Variants in DLG2 observed in about 807,000 individuals in gnomAD.
DLG2 encodes disks large homolog 2.
DLG2 carries 45 observed loss-of-function variants against 132.5 expected under a neutral mutation model. That is an observed-to-expected ratio of 0.34 (90% CI 0.27 to 0.44). DLG2 has a LOEUF of 0.44. DLG2 is among the 20% of genes least tolerant of loss of function. DLG2 has a pLI of 1.00. For missense variants in DLG2, 1,045 were observed against 1,196.9 expected (o/e 0.87, Z 1.87); for synonymous variants, 424 against 419.6 (o/e 1.01, Z -0.13).
chr11:84,886,522 C>T (rs2088344940), intron 6 of DLG2, among the ~76,000 whole-genome samples: 1 of 152,102 alleles, frequency 6.6e-6, no homozygotes, highest in South Asian at 2.1e-4. Context: ...TCTCTTGGCA[C>T]CACTGTCAGG....
chr11:85,318,420 T>A (rs534400244), intron 3 of DLG2, among the ~76,000 whole-genome samples: 10 of 151,828 alleles, frequency 6.6e-5, no homozygotes, highest in African/African-American at 2.2e-4. Context: ...ATATAAATAG[T>A]TGACAACATT....
At chr11:85,514,454 T>C (rs576138645) in intron 3 of DLG2, among the ~76,000 whole-genome samples, 9 of 152,012 alleles carry the variant, frequency 5.9e-5, no homozygotes, top group African/African-American at 2.2e-4. Flanking sequence ...AATTCAACTT[T>C]CATATTTTGA....
chr11:84,760,852 G>C (rs902630208), intron 6 of DLG2, among the ~76,000 whole-genome samples: 2 of 152,156 alleles, frequency 1.3e-5, no homozygotes, highest in African/African-American at 4.8e-5. Context: ...CAGGAGCAGA[G>C]ACCGGCAGCT....
intron 19 of DLG2, among the ~76,000 whole-genome samples, chr11:83,562,706 A>G (rs577137908): frequency 4.6e-5 from 7 of 152,326 alleles, no homozygotes; most frequent in Admixed American, 3.3e-4. Flanking sequence ...GAAAAAATAC[A>G]TAGCTAAGGA....
At chr11:84,032,761 A>G (rs1446731114) in intron 11 of DLG2, among the ~76,000 whole-genome samples, 1 of 152,194 alleles carries the variant, frequency 6.6e-6, no homozygotes, top group Non-Finnish European at 1.5e-5. Context: ...AAGCCTTCAA[A>G]GAACACGCTG....
At chr11:84,694,091 C>T (rs2058356623) in intron 6 of DLG2, among the ~76,000 whole-genome samples, 6 of 151,570 alleles carry the variant, frequency 4.0e-5, no homozygotes, top group Admixed American at 4.0e-4. Flanking sequence ...ATAATTGTCA[C>T]ATTGCCTATA....
intron 18 of DLG2, among the ~76,000 whole-genome samples, chr11:83,734,100 CT>C (rs1465413001): frequency 6.6e-6 from 1 of 152,070 alleles, no homozygotes; most frequent in Admixed American, 6.6e-5. Context: ...TGATTTCATT[CT>C]TTTTTGGCTA....
chr11:85,187,652 C>T (rs951369442), intron 4 of DLG2, among the ~76,000 whole-genome samples: 1 of 152,104 alleles, frequency 6.6e-6, no homozygotes, highest in Admixed American at 6.6e-5. Flanking sequence ...TTAGTGTCAG[C>T]GTTGACTGGG....
rs2092840769 is a variant in DLG2, at chr11:84,923,175, C to CCA, written c.357+188484_357+188485dup. On this transcript the variant is annotated intron_variant, in intron 6 of 27. Coordinates refer to ENST00000376104, the MANE Select transcript of DLG2 (RefSeq NM_001142699.3). ...TCAGCTTCTCAGCACAGCGCAAGCCCCACACACACGATCCTGGGCATGTGC... is the reference window on the plus strand; with the variant it reads ...TCAGCTTCTCAGCACAGCGCAAGCCCCACACACACACGATCCTGGGCATGTGC... 3.8e-5 allele frequency: 61 copies of CCA among 1,611,814 alleles called. No homozygotes were observed. In the East Asian group the frequency reaches 1.2e-3, roughly 32 times the overall value.
intron 18 of DLG2, among the ~76,000 whole-genome samples, chr11:83,763,818 C>G (rs1208061260): frequency 6.6e-6 from 1 of 152,212 alleles, no homozygotes; most frequent in East Asian, 1.9e-4. Context: ...TCTCTCTAGT[C>G]AGGCACAATG....
intron 9 of DLG2, among the ~76,000 whole-genome samples, chr11:84,129,421 T>C (rs1271581201): frequency 6.6e-6 from 1 of 152,016 alleles, no homozygotes; most frequent in Non-Finnish European, 1.5e-5. Context: ...ATATAAACTG[T>C]CCAAATGTCC....
At chr11:83,936,729 G>A (rs764719446) in intron 14 of DLG2, among the ~76,000 whole-genome samples, 2 of 152,148 alleles carry the variant, frequency 1.3e-5, no homozygotes, top group Non-Finnish European at 2.9e-5. Context: ...AACAAAATTA[G>A]GCTCTCTCAC....
chr11:83,898,487 A>G (rs190687994), intron 15 of DLG2, among the ~76,000 whole-genome samples: 47 of 152,194 alleles, frequency 3.1e-4, no homozygotes, highest in African/African-American at 1.1e-3. Flanking sequence ...GGCTATTGAT[A>G]ATGGAGACTT....
At chr11:83,702,193 T>C (rs1008186866) in intron 18 of DLG2, among the ~76,000 whole-genome samples, 1 of 152,108 alleles carries the variant, frequency 6.6e-6, no homozygotes, top group African/African-American at 2.4e-5. Flanking sequence ...CTTAAACAGG[T>C]AGTTCACTTC....
chr11:85,322,366 T>G (rs563764303), intron 3 of DLG2, among the ~76,000 whole-genome samples: 1 of 152,260 alleles, frequency 6.6e-6, no homozygotes, highest in East Asian at 1.9e-4. Context: ...ATCCTCAATC[T>G]TGGAAATTTT....
At position 85,093,977 on chromosome 11, in the gene DLG2, A is replaced by C. The variant is rs902023267; in HGVS notation, c.357+17684T>G. ...AAGGTATAATAATAGTTCTGCCACC[A>C]TGATGCAACTAATATGATGCAGCTA... On this transcript the variant is annotated intron_variant, in intron 6 of 27. Coordinates refer to ENST00000376104, the MANE Select transcript of DLG2 (RefSeq NM_001142699.3). Among the ~76,000 whole-genome samples, 4 of 152,352 alleles carry C rather than the reference A, an allele frequency of 2.6e-5. No individual in the cohort carries two copies. In the East Asian group the frequency reaches 5.8e-4, roughly 22 times the overall value.
intron 22 of DLG2, among the ~76,000 whole-genome samples, chr11:83,473,772 C>A (rs977010958): frequency 3.9e-5 from 6 of 152,060 alleles, no homozygotes; most frequent in African/African-American, 1.4e-4. Context: ...ACCCCTGAAG[C>A]ACATTCATAG....
At chr11:85,277,497 C>G (rs1170343917) in intron 4 of DLG2, among the ~76,000 whole-genome samples, 17 of 152,016 alleles carry the variant, frequency 1.1e-4, no homozygotes, top group Non-Finnish European at 1.9e-4. Context: ...AACCAAAGTA[C>G]TCTCACTATT....
At chr11:84,802,290 T>C (rs777146584) in intron 6 of DLG2, among the ~76,000 whole-genome samples, 7 of 151,928 alleles carry the variant, frequency 4.6e-5, no homozygotes, top group Non-Finnish European at 1.0e-4. Context: ...AAAGATGGAA[T>C]TCCAAAGATA....
Sources: allele counts gnomAD v4.1 joint callset (sites outside exome capture counted in the v4.1 genomes callset), GRCh38; gene constraint gnomAD v4.1.1; transcripts MANE v1.5; gene names NCBI Gene and HGNC (gene_info 2026-07-23, HGNC 2026-07-21).